Variants in CNIH3 observed in about 807,000 individuals in gnomAD.
CNIH3 encodes cornichon family AMPA receptor auxiliary protein 3.
CNIH3 carries 14 observed loss-of-function variants against 24.1 expected under a neutral mutation model. The ratio of observed to expected loss-of-function variants is 0.58; its 90% CI spans 0.38 to 0.91. CNIH3 has a LOEUF of 0.91. CNIH3 is among the 40% of genes least tolerant of loss of function. The pLI, the probability that CNIH3 is intolerant of heterozygous loss-of-function variation, is 0.00. For missense variants in CNIH3, 178 were observed against 196.8 expected, an observed-to-expected ratio of 0.90 and a Z score of 0.57; for synonymous variants, 68 against 73.8, an observed-to-expected ratio of 0.92 and a Z score of 0.40.
At chr1:224,455,033 A>C (rs1005919784) in intron 1 of CNIH3, among the ~76,000 whole-genome samples, 3 of 152,296 alleles carry the variant, frequency 2.0e-5, no homozygotes, top group South Asian at 4.1e-4. Context: ...AATGCATTTA[A>C]TCCACCTAAC....
chr1:224,710,275 T>C (rs758082614), intron 3 of CNIH3, among the ~76,000 whole-genome samples: 10 of 152,256 alleles, frequency 6.6e-5, no homozygotes, highest in Non-Finnish European at 1.5e-4. Flanking sequence ...GGATTCTATT[T>C]CCCGAGTGCT....
intron 1 of CNIH3, among the ~76,000 whole-genome samples, chr1:224,632,031 G>A (rs1023799736): frequency 6.6e-6 from 1 of 152,202 alleles, no homozygotes; most frequent in Non-Finnish European, 1.5e-5. Context: ...TATGGAAATA[G>A]CCAAATGATT....
chr1:224,616,842 T>A lies in CNIH3; in HGVS notation c.-333T>A. 1.2e-5 allele frequency: 13 copies of A among 1,125,552 alleles called. No individual in the cohort carries two copies. The South Asian group carries it at 1.5e-4, about 13-fold the overall frequency. The allele number at this position is 1,125,552 out of a possible 1,614,324, so 69.7% of individuals were successfully genotyped here. A position where few individuals can be genotyped will look rare whatever the true frequency, so the allele number is the denominator to read the frequency against. ...GGAGTCGTCGCATCGCTTGTCGTGT[T>A]GGTCTCGAGGGGCTCACAGCTTGGC... is the stretch of plus-strand genomic sequence containing the variant. On this transcript the variant is annotated 5_prime_UTR_variant, in exon 1 of 6. It introduces an in-frame stop codon into an upstream open reading frame of the 5' UTR. Coordinates refer to ENST00000272133, the MANE Select transcript of CNIH3 (RefSeq NM_152495.2).
downstream of CNIH3, among the ~76,000 whole-genome samples, chr1:224,590,877 C>CA (rs1558189937): frequency 7.1e-6 from 1 of 140,578 alleles, no homozygotes. Flanking sequence ...AGAGCCTGGT[C>CA]ACACTTCTGG....
At chr1:224,614,067 T>C (rs1682827778), upstream of CNIH3, among the ~76,000 whole-genome samples, 1 of 152,032 alleles carries the variant, frequency 6.6e-6, no homozygotes, top group African/African-American at 2.4e-5. Context: ...TTTGTAGAGA[T>C]GGGGTTTCTG....
intron 2 of CNIH3, among the ~76,000 whole-genome samples, chr1:224,543,560 G>A (rs1679592789): frequency 6.6e-6 from 1 of 151,938 alleles, no homozygotes; most frequent in Non-Finnish European, 1.5e-5. Flanking sequence ...TTGGCTTGTG[G>A]AGTCAGTGCT....
At position 224,497,271 on chromosome 1, in the gene CNIH3, T is replaced by G. The variant is rs1336180190; in HGVS notation, n.204-18470T>G. On this transcript the variant is annotated intron_variant and non_coding_transcript_variant, in intron 1 of 5. Transcript: ENST00000471578. ...GGTACAAGATTTCTTCCTGGGGTGA[T>G]GAAAATGTTCTAGAATTAGCTAGTG... 2.0e-5 allele frequency among the ~76,000 whole-genome samples: 3 copies of G among 152,222 alleles called. No homozygotes were observed. In the East Asian group the frequency reaches 5.8e-4, roughly 29 times the overall value.
At chr1:224,733,568 G>T (rs1689441895) in intron 4 of CNIH3, among the ~76,000 whole-genome samples, 1 of 152,222 alleles carries the variant, frequency 6.6e-6, no homozygotes, top group African/African-American at 2.4e-5. Context: ...TTCCGGATCT[G>T]CGAGTTGCTA....
chr1:224,551,561 C>T (rs1679922545), intron 3 of CNIH3, among the ~76,000 whole-genome samples: 2 of 151,830 alleles, frequency 1.3e-5, no homozygotes, highest in Admixed American at 6.6e-5. Flanking sequence ...GGGTGTAACA[C>T]CTGGATTATA....
chr1:224,684,657 G>A lies in CNIH3; in HGVS notation c.151-139G>A, dbSNP rs1056601016. 1.4e-6 allele frequency: 1 copy of A among 731,090 alleles called. No homozygotes were observed. Among genetic ancestry groups the A allele is most frequent in the Non-Finnish European group, 2.5e-6 (1 of 402,776 alleles). 45.3% of individuals were successfully genotyped at this position (731,090 alleles called of 1,614,324 possible). ...TCTGTTAGAAAAAGCCACTGGGTGG[G>A]AGCATGCTGGCCATGTGCCCAGGAG... On this transcript the variant is annotated intron_variant, in intron 2 of 5. Coordinates refer to ENST00000272133, the MANE Select transcript of CNIH3 (RefSeq NM_152495.2). This position sits in a 1 kb window ranked among gnomAD's most constrained non-coding sequence, Gnocchi z 4.2.
At chr1:224,575,424 T>A in intron 4 of CNIH3, 1 of 958,902 alleles carries the variant, frequency 1.0e-6, no homozygotes, top group East Asian at 2.5e-5. Flanking sequence ...AAGTGACCTA[T>A]ACCGTGTTTT....
chr1:224,502,849 G>A (rs1239527665), intron 1 of CNIH3, among the ~76,000 whole-genome samples: 1 of 152,180 alleles, frequency 6.6e-6, no homozygotes, highest in African/African-American at 2.4e-5. Context: ...ATGAATGGTG[G>A]GGAACAGAGC....
chr1:224,478,857 C>T (rs1676688353), intron 1 of CNIH3, among the ~76,000 whole-genome samples: 1 of 152,152 alleles, frequency 6.6e-6, no homozygotes, highest in Admixed American at 6.6e-5. Context: ...CAGCAAGTCA[C>T]ATCTTATGTG....
chr1:224,718,456 G>A (rs12741660), intron 3 of CNIH3, among the ~76,000 whole-genome samples: 27,585 of 152,156 alleles, frequency 0.18, 2,574 homozygotes, highest in African/African-American at 0.25. Flanking sequence ...GCCAGATCAT[G>A]TGGGGCCTTA....
chr1:224,542,068 TCC>T (rs1679531741), downstream of CNIH3, among the ~76,000 whole-genome samples: 1 of 152,298 alleles, frequency 6.6e-6, no homozygotes, highest in East Asian at 1.9e-4. Context: ...GCTTCACACT[TCC>T]CAGTCAAGCC....
chr1:224,575,083 C>G, intron 4 of CNIH3: 1 of 872,182 alleles, frequency 1.1e-6, no homozygotes, highest in Non-Finnish European at 2.0e-6. Flanking sequence ...TCCTTCAGCT[C>G]CCCCGACAGG....
chr1:224,648,242 T>A (rs1684704609), intron 1 of CNIH3, among the ~76,000 whole-genome samples: 1 of 151,882 alleles, frequency 6.6e-6, no homozygotes, highest in Non-Finnish European at 1.5e-5. Flanking sequence ...TGAAACCCTG[T>A]CTCTATTAAA....
chr1:224,440,139 T>C (rs1041979597), intron 1 of CNIH3, among the ~76,000 whole-genome samples: 6 of 152,252 alleles, frequency 3.9e-5, no homozygotes, highest in African/African-American at 1.4e-4. Context: ...ACCAGGATGG[T>C]CTCGATCTCT....
chr1:224,575,402 C>G lies in CNIH3; in HGVS notation n.517-7762C>G, dbSNP rs1215242730. ...TGAAGAGTTTTGAAGCTGTGGATGCCTGCTTGTCCCCAAGTGACCTATACC... is the reference window on the plus strand; with the variant it reads ...TGAAGAGTTTTGAAGCTGTGGATGCGTGCTTGTCCCCAAGTGACCTATACC... On this transcript the variant is annotated intron_variant and non_coding_transcript_variant, in intron 4 of 5. Transcript: ENST00000471578. The G allele has an allele frequency of 1.1e-5, 12 of 1,074,514 alleles. No homozygotes were observed. In the Admixed American group the frequency reaches 1.7e-4, roughly 16 times the overall value. The allele number at this position is 1,074,514 out of a possible 1,614,324, so 66.6% of individuals were successfully genotyped here.
Sources: allele counts gnomAD v4.1 joint callset (sites outside exome capture counted in the v4.1 genomes callset), GRCh38; gene constraint gnomAD v4.1.1; non-coding constraint Gnocchi (gnomAD v3.1); transcripts MANE v1.5; gene names NCBI Gene and HGNC (gene_info 2026-07-23, HGNC 2026-07-21).